The following SLC4A4 variants were observed in gnomAD, a reference collection of about 807,000 sequenced individuals.
SLC4A4 encodes solute carrier family 4 member 4.
Under a neutral mutation model 111.5 loss-of-function variants are expected in SLC4A4, and 27 were observed. The observed-to-expected ratio is 0.24, with a 90% CI of 0.18 to 0.33. The LOEUF is 0.33. Ranked by LOEUF, SLC4A4 falls within the 10% of genes least tolerant of loss-of-function variation. The pLI is 1.00. For missense variants in SLC4A4, 909 were observed against 1,315.5 expected (o/e 0.69, Z 4.78); for synonymous variants, 443 against 463.4 (o/e 0.96, Z 0.57).
chr4:71,291,623 A>G (rs531677950), intron 3 of SLC4A4, among the ~76,000 whole-genome samples: 49 of 152,260 alleles, frequency 3.2e-4, no homozygotes, highest in African/African-American at 8.7e-4. Flanking sequence ...GTCTGTAGTG[A>G]AAAGGGAAAA....
intron 3 of SLC4A4, among the ~76,000 whole-genome samples, chr4:71,311,888 T>TGAGAGA (rs1491510042): frequency 4.1e-4 from 13 of 31,560 alleles, no homozygotes; most frequent in African/African-American, 8.6e-4. Flanking sequence ...TGTGCAAGGC[T>TGAGAGA]GTGAGAGAGA....
At chr4:71,518,793 A>C (rs1323816987) in intron 16 of SLC4A4, among the ~76,000 whole-genome samples, 3 of 152,144 alleles carry the variant, frequency 2.0e-5, no homozygotes, top group Admixed American at 2.0e-4. Flanking sequence ...GGCCAGGAGC[A>C]TGGGATTGCT....
intron 1 of SLC4A4, among the ~76,000 whole-genome samples, chr4:71,072,725 C>T (rs1369981944): frequency 6.6e-6 from 1 of 151,300 alleles, no homozygotes; most frequent in East Asian, 1.9e-4. Context: ...TATTTTGGTC[C>T]TTTTTTTTGT....
At chr4:71,332,212 G>A (rs909383546) in intron 3 of SLC4A4, among the ~76,000 whole-genome samples, 1 of 151,518 alleles carries the variant, frequency 6.6e-6, no homozygotes, top group Non-Finnish European at 1.5e-5. Context: ...TACTAATTTT[G>A]GGTTTGGTTT....
chr4:71,214,776 G>A (rs1406443298), intron 1 of SLC4A4, among the ~76,000 whole-genome samples: 2 of 152,168 alleles, frequency 1.3e-5, no homozygotes, highest in Non-Finnish European at 2.9e-5. Context: ...ACATCTTTTG[G>A]CCTGGGGCTT....
At chr4:71,470,437 A>G (rs1727761498) in intron 13 of SLC4A4, among the ~76,000 whole-genome samples, 2 of 152,088 alleles carry the variant, frequency 1.3e-5, no homozygotes, top group Non-Finnish European at 2.9e-5. Flanking sequence ...CTAGAGCTAA[A>G]TACAAATCAG....
intron 12 of SLC4A4, among the ~76,000 whole-genome samples, chr4:71,457,426 A>T (rs1726379323): frequency 6.6e-6 from 1 of 152,114 alleles, no homozygotes; most frequent in Non-Finnish European, 1.5e-5. Flanking sequence ...TTCTTGTTAA[A>T]TGTCAGCAGT....
chr4:71,262,523 C>G (rs972846739), intron 3 of SLC4A4, among the ~76,000 whole-genome samples: 1 of 152,092 alleles, frequency 6.6e-6, no homozygotes, highest in African/African-American at 2.4e-5. Flanking sequence ...ATCCTTTATC[C>G]TTCTCTGTTG....
Position 71,547,634 on chromosome 4 carries a change from T to G in SLC4A4, c.2622-14T>G. 6.2e-7 allele frequency: 1 copy of G among 1,608,222 alleles called. No homozygotes were observed. Among genetic ancestry groups the G allele is most frequent in the Non-Finnish European group, 8.5e-7 (1 of 1,175,212 alleles). ...GACAAGAGGTAGATTGGTAATCTTTTGATTTGGTTTCAGGGAACAAAGAGT... is the reference window on the plus strand; with the variant it reads ...GACAAGAGGTAGATTGGTAATCTTTGGATTTGGTTTCAGGGAACAAAGAGT... On this transcript the variant is annotated splice_polypyrimidine_tract_variant and intron_variant, in intron 19 of 25. Transcript: ENST00000264485.
chr4:71,090,552 G>A (rs1327035954), intron 1 of SLC4A4, among the ~76,000 whole-genome samples: 1 of 152,172 alleles, frequency 6.6e-6, no homozygotes, highest in East Asian at 1.9e-4. Context: ...GGAGTGAGAG[G>A]CTATCAGTTT....
chr4:71,121,012 C>G (rs904548985), intron 2 of SLC4A4, among the ~76,000 whole-genome samples: 5 of 152,182 alleles, frequency 3.3e-5, no homozygotes, highest in Non-Finnish European at 7.4e-5. Flanking sequence ...CGGTAGGTCC[C>G]GCACTTGGAG....
chr4:71,454,350 A>G (rs1726029612), intron 12 of SLC4A4, among the ~76,000 whole-genome samples: 1 of 152,186 alleles, frequency 6.6e-6, no homozygotes, highest in African/African-American at 2.4e-5. Context: ...CCAACCAGAA[A>G]AATATGTCCC....
chr4:71,321,349 A>G (rs1465706628), intron 3 of SLC4A4, among the ~76,000 whole-genome samples: 2 of 148,812 alleles, frequency 1.3e-5, no homozygotes, highest in African/African-American at 5.2e-5. Flanking sequence ...CTTAATGAGG[A>G]AAAGCATCAA....
chr4:71,293,864 G>A (rs1724576746), intron 3 of SLC4A4, among the ~76,000 whole-genome samples: 1 of 152,156 alleles, frequency 6.6e-6, no homozygotes, highest in Admixed American at 6.5e-5. Context: ...CTTAGTCTGA[G>A]CGCTCATGTT....
At chr4:71,437,610 G>A in intron 7 of SLC4A4, 1 of 520,226 alleles carries the variant, frequency 1.9e-6, no homozygotes, top group South Asian at 1.4e-5. Flanking sequence ...CCTTCAATTT[G>A]CCTTCGTCAA....
At position 71,290,373 on chromosome 4, in the gene SLC4A4, G is replaced by A. The variant is rs1164590147; in HGVS notation, c.253+34974G>A. On this transcript the variant is annotated intron_variant, in intron 3 of 25. Transcript: ENST00000264485. The stretch of plus-strand genomic sequence containing the variant: ...GTATAGTCAGCAAATGAGACAAAGA[G>A]GTAGTAGAAGAACACAGAGAACACC... Among the ~76,000 whole-genome samples the A allele has an allele frequency of 2.0e-5, 3 of 152,288 alleles. No homozygotes were observed. In the East Asian group the frequency reaches 5.8e-4, roughly 29 times the overall value.
chr4:71,248,516 T>A (rs1395289483), intron 2 of SLC4A4, among the ~76,000 whole-genome samples: 1 of 151,818 alleles, frequency 6.6e-6, no homozygotes, highest in Non-Finnish European at 1.5e-5. Flanking sequence ...AAGTTAACAT[T>A]ATTTTGGAGA....
At chr4:71,151,555 T>A (rs186692294) in intron 2 of SLC4A4, among the ~76,000 whole-genome samples, 19 of 152,266 alleles carry the variant, frequency 1.2e-4, no homozygotes, top group African/African-American at 4.1e-4. Flanking sequence ...TTCCTCTGTT[T>A]ATTCTTTTTC....
At chr4:71,077,367 G>C (rs1444271039) in intron 1 of SLC4A4, among the ~76,000 whole-genome samples, 1 of 152,026 alleles carries the variant, frequency 6.6e-6, no homozygotes, top group African/African-American at 2.4e-5. Context: ...CACCATGTTG[G>C]CCAGGCTGGT....
Sources: allele counts gnomAD v4.1 joint callset (sites outside exome capture counted in the v4.1 genomes callset), GRCh38; gene constraint gnomAD v4.1.1; transcripts MANE v1.5; gene names NCBI Gene and HGNC (gene_info 2026-07-23, HGNC 2026-07-21).